PHYKPL: variants seen among roughly 807,000 people sequenced by gnomAD.
PHYKPL encodes 5-phosphohydroxy-L-lysine phospho-lyase.
PHYKPL carries 42 observed loss-of-function variants against 51.3 expected under a neutral mutation model. That is an observed-to-expected ratio of 0.82 (90% CI 0.64 to 1.06). PHYKPL has a LOEUF of 1.06. Among genes scored for constraint, PHYKPL ranks in the 50% least tolerant of loss-of-function variants. The pLI, the probability that PHYKPL is intolerant of heterozygous loss-of-function variation, is 0.00. For missense variants in PHYKPL, 655 were observed against 586.6 expected (o/e 1.12, Z -1.20); for synonymous variants, 264 against 236.0 (o/e 1.12, Z -1.09).
intron 8 of PHYKPL, among the ~76,000 whole-genome samples, chr5:178,219,411 A>T (rs182296064): frequency 6.8e-5 from 10 of 148,020 alleles, no homozygotes; most frequent in Admixed American, 2.0e-4. Context: ...GTAACTCAAT[A>T]AAAAAAAAAT....
chr5:178,223,919 G>C (rs549110372), intron 6 of PHYKPL: 108 of 188,980 alleles, frequency 5.7e-4, no homozygotes, highest in Admixed American at 1.6e-3. Context: ...TCAAGCCGCC[G>C]CATTCCAATC....
intron 12 of PHYKPL, among the ~76,000 whole-genome samples, chr5:178,209,676 G>A (rs1390580555): frequency 6.6e-6 from 1 of 152,116 alleles, no homozygotes; most frequent in Non-Finnish European, 1.5e-5. Context: ...GAGCATTTGT[G>A]TTACACTCTG....
At position 178,231,480 on chromosome 5, in the gene PHYKPL, C is replaced by T. The variant is rs201748394; in HGVS notation, c.103G>A (p.Val35Ile). Residue 35 changes from valine (V) to isoleucine (I), a missense_variant, in exon 2 of 13, where the codon GTC (valine) becomes ATC (isoleucine). By Grantham distance (29) the Val-to-Ile change is conservative. Transcript: ENST00000308158. ...TACATGTACTGCCCTTGGGCCCGGACAATCTTAACAGGATCCTCGGGAAAA... is the reference window on the plus strand; with the variant it reads ...TACATGTACTGCCCTTGGGCCCGGATAATCTTAACAGGATCCTCGGGAAAA... ...LFFPEDPVKI[V>I]RAQGQYMYDE... is the part of the protein sequence containing the mutation. The T allele has an allele frequency of 1.4e-5, 22 of 1,614,018 alleles. No homozygotes were observed. The highest frequency in any genetic ancestry group is 1.9e-5 in the Non-Finnish European group (22 of 1,180,036).
At chr5:178,228,652 T>C (rs1452875823) in intron 3 of PHYKPL, 1 of 699,666 alleles carries the variant, frequency 1.4e-6, no homozygotes, top group Non-Finnish European at 2.6e-6. Context: ...ATGTCTGTAC[T>C]GTGTGAGTGG....
At chr5:178,218,752 C>T (rs561130509) in intron 8 of PHYKPL, among the ~76,000 whole-genome samples, 1 of 152,336 alleles carries the variant, frequency 6.6e-6, no homozygotes, top group South Asian at 2.1e-4. Context: ...AGTTAAATAT[C>T]TTCCCACAAA....
intron 8 of PHYKPL, among the ~76,000 whole-genome samples, chr5:178,218,640 C>A (rs1178640759): frequency 6.6e-6 from 1 of 152,192 alleles, no homozygotes; most frequent in East Asian, 1.9e-4. Context: ...GCCTTCAGAA[C>A]AGTGAGAAAT....
In PHYKPL at chr5:178,214,881, C is replaced by T. The variant is rs758559501; in HGVS notation, c.1087G>A (p.Val363Ile). 2.5e-6 allele frequency: 4 copies of T among 1,613,480 alleles called. No individual in the cohort carries two copies. The South Asian group carries it at 3.3e-5, about 13-fold the overall frequency. Residue 363 changes from valine (V) to isoleucine (I), a missense_variant, in exon 10 of 13, where the codon GTT (valine) becomes ATT (isoleucine). Transcript: ENST00000308158. Reference protein sequence around the residue: ...KHPIVGDVRGVGLFIGVDLIK... With the variant: ...KHPIVGDVRGIGLFIGVDLIK... ...AGATCCACACCAATGAAGAGCCCAA[C>T]ACCCCTGCAAGGGAAGGTGACGACA...
intron 2 of PHYKPL, chr5:178,230,486 AG>A (rs938954158): frequency 1.0e-4 from 18 of 180,836 alleles, no homozygotes; most frequent in Non-Finnish European, 1.8e-4. Context: ...CCTCCTGAGC[AG>A]GTGGGGCTAT....
At chr5:178,210,230 T>C (rs747127334) in intron 12 of PHYKPL, 1 of 1,613,324 alleles carries the variant, frequency 6.2e-7, no homozygotes, top group African/African-American at 1.3e-5. Context: ...CTACGACTAC[T>C]CGCCCTATGG....
intron 3 of PHYKPL, 38 bp from the exon 4 acceptor site, chr5:178,225,467 C>T: frequency 6.2e-7 from 1 of 1,607,196 alleles, no homozygotes; most frequent in Non-Finnish European, 8.5e-7. Context: ...AGAGAGTAGT[C>T]TAAGAGCTTC....
intron 1 of PHYKPL, 132 bp downstream of exon 1, chr5:178,232,357 AGCG>A (rs1763658649): frequency 7.8e-7 from 1 of 1,286,688 alleles, no homozygotes; most frequent in Non-Finnish European, 9.8e-7. Context: ...GGGCCGGGGC[AGCG>A]GCCGGACGGG....
At chr5:178,209,890 CTGAGTGAG>C (rs1050686444) in intron 12 of PHYKPL, among the ~76,000 whole-genome samples, 8 of 152,112 alleles carry the variant, frequency 5.3e-5, no homozygotes, top group Admixed American at 1.3e-4. Context: ...CAGAGAGTGA[CTGAGTGAG>C]TGAGCTGCCT....
At position 178,230,112 on chromosome 5, in the gene PHYKPL, C is replaced by T. The variant is rs754987843; in HGVS notation, c.179-13G>A. ...TGGCAGTGCCCAACTGGAAGAGGGC[C>T]GCCTCCGTCACACGGCTGGCTCCAC... On this transcript the variant is annotated splice_polypyrimidine_tract_variant and intron_variant, in intron 2 of 12. Transcript: ENST00000308158. The T allele has an allele frequency of 6.6e-5, 107 of 1,612,806 alleles. No individual in the cohort carries two copies. Among genetic ancestry groups the T allele is most frequent in the Middle Eastern group, 5.0e-4 (3 of 6,014 alleles).
intron 8 of PHYKPL, chr5:178,216,502 C>T (rs973898431): frequency 9.2e-5 from 14 of 152,152 alleles, no homozygotes; most frequent in African/African-American, 2.9e-4. Flanking sequence ...AAGAACACAA[C>T]TTTACATAAT....
intron 12 of PHYKPL, chr5:178,210,586 G>A (rs1313509398): frequency 5.0e-6 from 8 of 1,614,062 alleles, no homozygotes; most frequent in East Asian, 4.5e-5. Flanking sequence ...AAGAGCCAGC[G>A]ACGTGGTGGC....
In PHYKPL at chr5:178,230,043, T is replaced by C; in HGVS notation, c.235A>G (p.Asn79Asp). ...QAAHEQNQVL[N>D]TNSRYLHDNI... The stretch of plus-strand genomic sequence containing the variant: ...TCATGCAGGTACCGGCTGTTGGTGT[T>C]GAGCACCTGGTTCTGCTCATGTGCT... Residue 79 changes from asparagine (N) to aspartate (D), a missense_variant, in exon 3 of 13, where the codon AAC becomes GAC. By Grantham distance (23) the Asn-to-Asp change is conservative. Transcript: ENST00000308158. 6.2e-7 allele frequency: 1 copy of C among 1,614,216 alleles called. No homozygotes were observed. Among genetic ancestry groups the C allele is most frequent in the South Asian group, 1.1e-5 (1 of 91,082 alleles).
rs1450712544 is a variant in PHYKPL, at chr5:178,215,446, A to C, written c.928-16T>G. On this transcript the variant is annotated splice_polypyrimidine_tract_variant and intron_variant, in intron 8 of 12. Transcript: ENST00000308158. The stretch of plus-strand genomic sequence containing the variant: ...TGCCCCCAAACTGAGCCAGGGACAA[A>C]GAACATGTCAGATGCCCTGGCAGAG... 1.3e-6 allele frequency: 2 copies of C among 1,599,710 alleles called. No individual in the cohort carries two copies. Among genetic ancestry groups the C allele is most frequent in the African/African-American group, 1.3e-5 (1 of 74,604 alleles).
chr5:178,227,788 AAGG>A (rs1169910021), intron 3 of PHYKPL, among the ~76,000 whole-genome samples: 2 of 152,266 alleles, frequency 1.3e-5, no homozygotes, highest in Admixed American at 6.5e-5. Context: ...ATAAAAGTAG[AAGG>A]AGAAGACCAA....
In PHYKPL at chr5:178,211,988, G is replaced by A; in HGVS notation, c.1304-18C>T. On this transcript the variant is annotated intron_variant, in intron 11 of 12. Transcript: ENST00000308158. ...TTCCATGTCTGAAAAAGACCACAAA[G>A]CAATGCCGACTCAGTCACCTTTCTC... is the stretch of plus-strand genomic sequence containing the variant. The A allele has an allele frequency of 6.2e-7, 1 of 1,614,064 alleles. No homozygotes were observed. Among genetic ancestry groups the A allele is most frequent in the Non-Finnish European group, 8.5e-7 (1 of 1,179,980 alleles).
Sources: allele counts gnomAD v4.1 joint callset (sites outside exome capture counted in the v4.1 genomes callset), GRCh38; gene constraint gnomAD v4.1.1; transcripts MANE v1.5; gene names NCBI Gene and HGNC (gene_info 2026-07-23, HGNC 2026-07-21).